The following SLIT2 variants were observed in gnomAD, a reference collection of about 807,000 sequenced individuals.
SLIT2 encodes the protein slit guidance ligand 2, also known as slit homolog 2 protein.
A neutral mutation model predicts 185.7 loss-of-function variants in SLIT2; 41 were observed. The observed-to-expected ratio is 0.22, with a 90% CI of 0.17 to 0.29. The LOEUF is 0.29. Ranked by LOEUF, SLIT2 falls within the 10% of genes least tolerant of loss-of-function variation. SLIT2 has a pLI of 1.00. For synonymous variants in SLIT2, 693 were observed against 680.2 expected (o/e 1.02, Z -0.29); for missense variants, 1,571 against 1,909.0 (o/e 0.82, Z 3.30).
chr4:20,471,732 G>C (rs535459517), intron 5 of SLIT2, among the ~76,000 whole-genome samples: 1 of 152,000 alleles, frequency 6.6e-6, no homozygotes, highest in African/African-American at 2.4e-5. Context: ...TGCTCAAGGC[G>C]GTATCCCAAC....
chr4:20,567,097 A>T (rs577942599), intron 26 of SLIT2, among the ~76,000 whole-genome samples, 165 bp from the exon 27 acceptor site: 1 of 152,084 alleles, frequency 6.6e-6, no homozygotes, highest in Non-Finnish European at 1.5e-5. Flanking sequence ...ATTCTTGAAC[A>T]TCATCGGAGG....
At chr4:20,515,109 C>T (rs987851720) in intron 11 of SLIT2, among the ~76,000 whole-genome samples, 3 of 152,154 alleles carry the variant, frequency 2.0e-5, no homozygotes, top group Non-Finnish European at 2.9e-5. Context: ...CTTTAGGACA[C>T]TAGGTGGCTG....
In SLIT2 at chr4:20,361,008, C is replaced by T. The variant is rs181957150; in HGVS notation, c.395+92127C>T. ...TATATCAGCCATATCTCTCAACAAA[C>T]GCTAATCAGAGCTGATTAACAAATT... On this transcript the variant is annotated intron_variant, in intron 4 of 36. Coordinates refer to ENST00000504154, the MANE Select transcript of SLIT2 (RefSeq NM_004787.4). Among the ~76,000 whole-genome samples the T allele has an allele frequency of 1.1e-3, 161 of 152,268 alleles. 1 individual carries two copies. The highest frequency in any genetic ancestry group is 3.4e-3 in the African/African-American group (142 of 41,576).
intron 4 of SLIT2, among the ~76,000 whole-genome samples, chr4:20,406,952 G>A (rs1001847687): frequency 4.6e-5 from 7 of 151,684 alleles, no homozygotes; most frequent in Admixed American, 6.6e-5. Flanking sequence ...GAGAATATTC[G>A]AACAATGGAT....
chr4:20,472,629 T>TATATATATCGATATATATAGATATATCG lies in SLIT2; in HGVS notation c.467+4825_467+4826insGATATATCGATATATATCGATATATATA, dbSNP rs1560455720. ...ATATATCTATATATATCGATATATC[T>TATATATATCGATATATATAGATATATCG]ATATATATCGATATATATATTTAAA... On this transcript the variant is annotated intron_variant, in intron 5 of 36. Transcript: ENST00000504154. Among the ~76,000 whole-genome samples the TATATATATCGATATATATAGATATATCG allele has an allele frequency of 1.1e-3, 17 of 15,760 alleles. 4 individuals are homozygous for TATATATATCGATATATATAGATATATCG. The highest frequency in any genetic ancestry group is 1.7e-3 in the Non-Finnish European group (13 of 7,808). 10.3% of individuals were successfully genotyped at this position (15,760 alleles called of 152,430 possible).
chr4:20,273,253 T>A (rs61114792), intron 4 of SLIT2, among the ~76,000 whole-genome samples: 5,747 of 151,940 alleles, frequency 0.038, 270 homozygotes, highest in East Asian at 0.1. Flanking sequence ...ATCTAGGAAA[T>A]TCAGAAAAAA....
chr4:20,453,907 A>C (rs1045571206), intron 4 of SLIT2, among the ~76,000 whole-genome samples: 1 of 152,206 alleles, frequency 6.6e-6, no homozygotes, highest in Non-Finnish European at 1.5e-5. Context: ...GCTTGGCCAG[A>C]AAGTGGCAGA....
chr4:20,284,789 G>T (rs1388271620), intron 4 of SLIT2, among the ~76,000 whole-genome samples: 3 of 152,168 alleles, frequency 2.0e-5, no homozygotes, highest in Admixed American at 6.5e-5. Flanking sequence ...ACCCATTTAT[G>T]TGTGTGAGAG....
At chr4:20,416,050 T>C (rs999805699) in intron 4 of SLIT2, among the ~76,000 whole-genome samples, 3 of 152,222 alleles carry the variant, frequency 2.0e-5, no homozygotes, top group Non-Finnish European at 4.4e-5. Flanking sequence ...TCCTGTACTC[T>C]ATAGATTTTA....
rs1480568179 is a variant in SLIT2, at chr4:20,619,195, A to G, written c.*186A>G. On this transcript the variant is annotated 3_prime_UTR_variant, in exon 37 of 37. Transcript: ENST00000504154. ...AAAAAAAAAAGAAATGCTTGAACTA[A>G]AGCTTCCCCTATGCTGGAGAAGTAT... 6.8e-6 allele frequency: 4 copies of G among 586,572 alleles called. No homozygotes were observed. The highest frequency in any genetic ancestry group is 3.8e-5 in the African/African-American group (2 of 53,168). The allele number at this position is 586,572 out of a possible 1,614,324, so 36.3% of individuals were successfully genotyped here.
At chr4:20,343,960 C>A (rs1468577468) in intron 4 of SLIT2, among the ~76,000 whole-genome samples, 1 of 152,052 alleles carries the variant, frequency 6.6e-6, no homozygotes, top group Admixed American at 6.5e-5. Context: ...AAGCAATTCT[C>A]CTGCCTCAGC....
chr4:20,352,165 CTT>C (rs1721936548), intron 4 of SLIT2, among the ~76,000 whole-genome samples: 1 of 152,122 alleles, frequency 6.6e-6, no homozygotes, highest in South Asian at 2.1e-4. Flanking sequence ...TGATTGAACT[CTT>C]GTGTTATAGC....
intron 30 of SLIT2, among the ~76,000 whole-genome samples, chr4:20,595,188 T>G (rs1727874167): frequency 6.6e-6 from 1 of 152,218 alleles, no homozygotes; most frequent in Non-Finnish European, 1.5e-5. Flanking sequence ...TTAATATTAA[T>G]ATATTTGCTT....
chr4:20,334,937 A>G (rs752581969), intron 4 of SLIT2, among the ~76,000 whole-genome samples: 10 of 152,218 alleles, frequency 6.6e-5, no homozygotes, highest in Non-Finnish European at 1.5e-4. Context: ...ATAGTAATTA[A>G]TAAATATGTT....
intron 4 of SLIT2, among the ~76,000 whole-genome samples, chr4:20,433,668 G>A (rs1349844584): frequency 6.6e-6 from 1 of 152,162 alleles, no homozygotes; most frequent in African/African-American, 2.4e-5. Context: ...GCCATGTTCT[G>A]TTGGTGGGCA....
chr4:20,581,811 A>ATC (rs1426154516), intron 29 of SLIT2, among the ~76,000 whole-genome samples: 4 of 151,962 alleles, frequency 2.6e-5, no homozygotes, highest in Non-Finnish European at 4.4e-5. Flanking sequence ...CAGTGGTGCA[A>ATC]TCTCTGCTCA....
At chr4:20,385,103 A>C (rs568472331) in intron 4 of SLIT2, among the ~76,000 whole-genome samples, 2 of 152,256 alleles carry the variant, frequency 1.3e-5, no homozygotes, top group South Asian at 4.1e-4. Context: ...TAAGTAAGTC[A>C]CTGTGATATA....
chr4:20,585,318 C>T (rs1191650405), intron 29 of SLIT2, among the ~76,000 whole-genome samples: 4 of 152,166 alleles, frequency 2.6e-5, no homozygotes, highest in Admixed American at 2.6e-4. Flanking sequence ...ACTCAGAATG[C>T]TTCAACCTCT....
At chr4:20,411,326 A>C (rs1401697684) in intron 4 of SLIT2, among the ~76,000 whole-genome samples, 1 of 152,210 alleles carries the variant, frequency 6.6e-6, no homozygotes, top group Non-Finnish European at 1.5e-5. Context: ...TGTTTCATTT[A>C]ACAATGGTAA....
Sources: gnomAD v4.1 joint callset for allele counts (sites outside exome capture counted in the v4.1 genomes callset) on GRCh38, gnomAD v4.1.1 for gene constraint, MANE v1.5 for transcripts, NCBI Gene and HGNC (gene_info 2026-07-23, HGNC 2026-07-21) for gene names.